The following FHIP1A variants were observed in gnomAD, a reference collection of about 807,000 sequenced individuals.
FHIP1A encodes FHF complex subunit HOOK-interacting protein 1A.
In FHIP1A, 61 loss-of-function variants were observed where a neutral mutation model predicts 88.6. The observed-to-expected ratio is 0.69, with a 90% CI of 0.56 to 0.85. FHIP1A has a LOEUF of 0.85. FHIP1A is among the 40% of genes least tolerant of loss of function. FHIP1A has a pLI of 0.00. For missense variants in FHIP1A, 1,154 were observed against 1,273.5 expected (o/e 0.91, Z 1.43); for synonymous variants, 478 against 496.0 (o/e 0.96, Z 0.48).
chr4:151,665,387 C>G lies in FHIP1A; in HGVS notation c.*2633C>G, dbSNP rs974417139. Among the ~76,000 whole-genome samples the G allele has an allele frequency of 6.6e-6, 1 of 152,234 alleles. No homozygotes were observed. Among genetic ancestry groups the G allele is most frequent in the African/African-American group, 2.4e-5 (1 of 41,456 alleles). On this transcript the variant is annotated 3_prime_UTR_variant, in exon 14 of 14. Transcript: ENST00000435205. ...CTGGCAGCAAACTCACACGATAACACTAACTTCCTATTTGGATTTGGAAAC... is the reference window on the plus strand; with the variant it reads ...CTGGCAGCAAACTCACACGATAACAGTAACTTCCTATTTGGATTTGGAAAC...
At chr4:151,543,854 C>A (rs187392293) in intron 3 of FHIP1A, among the ~76,000 whole-genome samples, 1 of 152,230 alleles carries the variant, frequency 6.6e-6, no homozygotes, top group East Asian at 1.9e-4. Context: ...AAGATTATGG[C>A]TTAAAAAAGA....
chr4:151,570,511 G>C (rs1019654467), intron 4 of FHIP1A, among the ~76,000 whole-genome samples: 3 of 152,146 alleles, frequency 2.0e-5, no homozygotes, highest in African/African-American at 7.2e-5. Context: ...GCTATTCACA[G>C]GTGTGATCAT....
At chr4:151,657,805 A>G (rs979819491) in intron 13 of FHIP1A, among the ~76,000 whole-genome samples, 5 of 152,330 alleles carry the variant, frequency 3.3e-5, no homozygotes, top group Admixed American at 6.5e-5. Flanking sequence ...ACTCAGGGCA[A>G]TTGTTCCACC....
chr4:151,667,380 T>G lies in FHIP1A; in HGVS notation c.*4626T>G, dbSNP rs1033839776. 4 of 152,218 alleles carry G rather than the reference T, an allele frequency of 2.6e-5. No homozygotes were observed. The highest frequency in any genetic ancestry group is 7.2e-5 in the African/African-American group (3 of 41,454). 9.4% of individuals were successfully genotyped at this position (152,218 alleles called of 1,614,324 possible). On this transcript the variant is annotated 3_prime_UTR_variant, in exon 14 of 14. Coordinates refer to ENST00000435205, the MANE Select transcript of FHIP1A (RefSeq NM_001109977.3). ...GAGGAAACACTGTAAGAGAATGCAG[T>G]TGACTCTTTCCCCCCCTTCTTTTTG...
chr4:151,669,457 C>T lies in FHIP1A; in HGVS notation c.*6703C>T, dbSNP rs1344764787. ...AAATGGTCTGGAAAGATCTTCGATG[C>T]TTTCTGTAAGGTTTAGTCACCAAGA... On this transcript the variant is annotated 3_prime_UTR_variant, in exon 14 of 14. Coordinates refer to ENST00000435205, the MANE Select transcript of FHIP1A (RefSeq NM_001109977.3). Among the ~76,000 whole-genome samples, 1 of 152,194 alleles carries T rather than the reference C, an allele frequency of 6.6e-6. No individual in the cohort carries two copies. The highest frequency in any genetic ancestry group is 6.5e-5 in the Admixed American group (1 of 15,280).
chr4:151,414,047 T>C (rs1732786909), intron 1 of FHIP1A, among the ~76,000 whole-genome samples: 5 of 41,130 alleles, frequency 1.2e-4, no homozygotes, highest in Admixed American at 1.0e-3. Flanking sequence ...ATCTAGTTAG[T>C]GTTTGTTTGT....
intron 3 of FHIP1A, among the ~76,000 whole-genome samples, chr4:151,528,201 C>T (rs191484575): frequency 8.5e-4 from 129 of 152,192 alleles, no homozygotes; most frequent in African/African-American, 3.0e-3. Flanking sequence ...AGTGGTCTGA[C>T]GAAAAATAAA....
intron 3 of FHIP1A, among the ~76,000 whole-genome samples, 159 bp downstream of exon 3, chr4:151,482,807 T>C (rs989989982): frequency 1.3e-5 from 2 of 152,262 alleles, no homozygotes; most frequent in Non-Finnish European, 2.9e-5. Context: ...CTCTATCCTC[T>C]ATGTGAAGCA....
At position 151,656,540 on chromosome 4, in the gene FHIP1A, A is replaced by G. The variant is rs1737247842; in HGVS notation, c.2730+130A>G. On this transcript the variant is annotated intron_variant, in intron 12 of 13. Transcript: ENST00000435205. This position sits in a 1 kb window ranked among gnomAD's most constrained non-coding sequence, Gnocchi z 4.2. ...TTCATTTGCTTTCCTTCCCTGTCCT[A>G]TTAAGCTCACTGTGTAGTTTATTCT... 4.7e-6 allele frequency: 5 copies of G among 1,058,690 alleles called. No individual in the cohort carries two copies. The East Asian group carries it at 7.8e-5, about 16-fold the overall frequency. 65.6% of individuals were successfully genotyped at this position (1,058,690 alleles called of 1,614,324 possible).
At chr4:151,432,576 T>C (rs566374238) in intron 1 of FHIP1A, among the ~76,000 whole-genome samples, 9 of 152,312 alleles carry the variant, frequency 5.9e-5, no homozygotes, top group Admixed American at 2.0e-4. Context: ...TGTATTAGAT[T>C]GCAAAAATTA....
At chr4:151,546,409 T>G (rs1445572286) in intron 3 of FHIP1A, among the ~76,000 whole-genome samples, 2 of 152,224 alleles carry the variant, frequency 1.3e-5, no homozygotes, top group Non-Finnish European at 2.9e-5. Flanking sequence ...CTGTGGGACT[T>G]CTTGGCCTCC....
intron 7 of FHIP1A, among the ~76,000 whole-genome samples, chr4:151,600,901 T>C (rs1470023172): frequency 6.6e-6 from 1 of 151,894 alleles, no homozygotes; most frequent in Non-Finnish European, 1.5e-5. Context: ...CCTGGAAGAG[T>C]ATCCCTTATG....
At chr4:151,638,579 G>T (rs1465525029) in intron 8 of FHIP1A, 98 bp from the exon 9 acceptor site, 7 of 618,688 alleles carry the variant, frequency 1.1e-5, no homozygotes, top group African/African-American at 2.0e-5. Flanking sequence ...AAAAAAAAAA[G>T]GCCATTATAT....
intron 1 of FHIP1A, among the ~76,000 whole-genome samples, chr4:151,436,196 A>G (rs1426766632): frequency 6.6e-6 from 1 of 152,044 alleles, no homozygotes; most frequent in Non-Finnish European, 1.5e-5. Context: ...TTCATGTTAC[A>G]TTTCTTGGTT....
chr4:151,473,343 A>G (rs1729592966), intron 2 of FHIP1A, among the ~76,000 whole-genome samples: 1 of 152,028 alleles, frequency 6.6e-6, no homozygotes, highest in African/African-American at 2.4e-5. Context: ...TTAAGACTCT[A>G]GCTTTATTAA....
chr4:151,543,485 A>G (rs1167082368), intron 3 of FHIP1A, among the ~76,000 whole-genome samples: 4 of 152,204 alleles, frequency 2.6e-5, no homozygotes, highest in Non-Finnish European at 5.9e-5. Flanking sequence ...GAATGCTATA[A>G]TAGAGAATTT....
intron 3 of FHIP1A, among the ~76,000 whole-genome samples, chr4:151,524,487 G>A (rs1382870825): frequency 1.3e-5 from 2 of 152,098 alleles, no homozygotes; most frequent in Non-Finnish European, 2.9e-5. Flanking sequence ...TGGTATCGAA[G>A]TGTCTAGACT....
At chr4:151,481,337 G>A (rs1238232556) in intron 2 of FHIP1A, among the ~76,000 whole-genome samples, 1 of 151,634 alleles carries the variant, frequency 6.6e-6, no homozygotes, top group Non-Finnish European at 1.5e-5. Flanking sequence ...TATATATTAT[G>A]TACAGCTTGA....
intron 3 of FHIP1A, among the ~76,000 whole-genome samples, chr4:151,521,627 C>T (rs542850200): frequency 6.2e-4 from 95 of 152,256 alleles, no homozygotes; most frequent in African/African-American, 2.2e-3. Context: ...TTATATCTGC[C>T]TTCTAATTTG....
Sources: gnomAD v4.1 joint callset for allele counts (sites outside exome capture counted in the v4.1 genomes callset) on GRCh38, gnomAD v4.1.1 for gene constraint, Gnocchi (gnomAD v3.1) non-coding constraint, MANE v1.5 for transcripts, NCBI Gene and HGNC (gene_info 2026-07-23, HGNC 2026-07-21) for gene names.